TRIQK: variants seen among roughly 807,000 people sequenced by gnomAD.
TRIQK encodes triple QxxK/R motif containing, also known as triple QxxK/R motif-containing protein.
Under a neutral mutation model 10.8 loss-of-function variants are expected in TRIQK, and 10 were observed. That is an observed-to-expected ratio of 0.92 (90% CI 0.57 to 1.57). TRIQK has a LOEUF of 1.57. Among genes scored for constraint, TRIQK ranks in the 40% most tolerant of loss-of-function variants. TRIQK has a pLI of 0.00. For missense variants in TRIQK, 107 were observed against 97.7 expected, an observed-to-expected ratio of 1.09 and a Z score of -0.40; for synonymous variants, 33 against 33.7, an observed-to-expected ratio of 0.98 and a Z score of 0.07.
chr8:93,011,873 T>C (rs1419312432), intron 1 of TRIQK, among the ~76,000 whole-genome samples: 6 of 152,104 alleles, frequency 3.9e-5, no homozygotes, highest in African/African-American at 1.4e-4. Context: ...TCAAACCTAG[T>C]CTAAATCTAA....
At chr8:92,997,144 G>C (rs1257281196) in intron 1 of TRIQK, among the ~76,000 whole-genome samples, 1 of 151,996 alleles carries the variant, frequency 6.6e-6, no homozygotes. Flanking sequence ...TTTTGCTAGT[G>C]ATGTTCTAAG....
At chr8:92,918,780 C>G (rs1023477027) in intron 2 of TRIQK, among the ~76,000 whole-genome samples, 4 of 151,016 alleles carry the variant, frequency 2.6e-5, no homozygotes, top group Admixed American at 6.6e-5. Flanking sequence ...ATCTTACCCC[C>G]CCCCACAATT....
At chr8:92,917,374 A>G (rs1318507517) in intron 2 of TRIQK, among the ~76,000 whole-genome samples, 1 of 152,018 alleles carries the variant, frequency 6.6e-6, no homozygotes, top group Non-Finnish European at 1.5e-5. Context: ...CCAAGTATAT[A>G]TAGTTTGGAT....
At chr8:93,012,353 G>T (rs1813343332) in intron 1 of TRIQK, among the ~76,000 whole-genome samples, 1 of 152,122 alleles carries the variant, frequency 6.6e-6, no homozygotes, top group Admixed American at 6.5e-5. Flanking sequence ...GTAAAACAGA[G>T]TGCCCACGAT....
intron 2 of TRIQK, among the ~76,000 whole-genome samples, chr8:92,952,502 G>A (rs943719032): frequency 6.6e-6 from 1 of 151,550 alleles, no homozygotes; most frequent in African/African-American, 2.4e-5. Context: ...CGCATAATGG[G>A]AATATCAGAA....
At chr8:92,999,890 G>A (rs1813191147) in intron 1 of TRIQK, among the ~76,000 whole-genome samples, 1 of 152,006 alleles carries the variant, frequency 6.6e-6, no homozygotes, top group African/African-American at 2.4e-5. Flanking sequence ...TTTGAAGTGA[G>A]TTATACTTGA....
intron 1 of TRIQK, among the ~76,000 whole-genome samples, chr8:92,976,922 C>T (rs1292136475): frequency 6.6e-6 from 1 of 151,842 alleles, no homozygotes; most frequent in African/African-American, 2.4e-5. Context: ...TTTCTACAGT[C>T]TTTGTGCTAT....
intron 2 of TRIQK, among the ~76,000 whole-genome samples, chr8:92,932,452 AC>A (rs1810781167): frequency 6.6e-6 from 1 of 152,124 alleles, no homozygotes; most frequent in Non-Finnish European, 1.5e-5. Context: ...GACAGTGTTA[AC>A]TTGGATCACT....
At chr8:92,892,968 A>G (rs1012821327) in intron 3 of TRIQK, among the ~76,000 whole-genome samples, 1 of 151,990 alleles carries the variant, frequency 6.6e-6, no homozygotes, top group Admixed American at 6.6e-5. Flanking sequence ...TCTCAGGAGG[A>G]GTTAATACAT....
chr8:93,006,034 C>CAAAAA (rs58693078), intron 1 of TRIQK, among the ~76,000 whole-genome samples: 1 of 130,922 alleles, frequency 7.6e-6, no homozygotes, highest in African/African-American at 2.6e-5. Flanking sequence ...AAAAAATAAG[C>CAAAAA]AAAAAAAAAA....
intron 1 of TRIQK, among the ~76,000 whole-genome samples, chr8:93,006,233 GTGAAT>G (rs1813269973): frequency 6.6e-6 from 1 of 152,110 alleles, no homozygotes; most frequent in Non-Finnish European, 1.5e-5. Context: ...AAAACAGCAA[GTGAAT>G]CCTGATCCAG....
chr8:92,938,334 A>G (rs1302112839), intron 2 of TRIQK, among the ~76,000 whole-genome samples: 1 of 152,086 alleles, frequency 6.6e-6, no homozygotes, highest in Non-Finnish European at 1.5e-5. Flanking sequence ...TGTAATGATT[A>G]TTACAATCAA....
chr8:92,942,792 T>C (rs1179413931), intron 2 of TRIQK, among the ~76,000 whole-genome samples: 1 of 152,140 alleles, frequency 6.6e-6, no homozygotes, highest in Non-Finnish European at 1.5e-5. Flanking sequence ...CCTCAGGGGT[T>C]TGAGCAGTTC....
chr8:92,932,778 A>T (rs1287821330), intron 2 of TRIQK, among the ~76,000 whole-genome samples: 1 of 152,132 alleles, frequency 6.6e-6, no homozygotes, highest in East Asian at 1.9e-4. Context: ...ATGTACTCAT[A>T]GATATTTTTA....
intron 3 of TRIQK, among the ~76,000 whole-genome samples, chr8:92,909,301 G>C (rs1052908508): frequency 2.0e-5 from 3 of 151,828 alleles, no homozygotes; most frequent in African/African-American, 7.2e-5. Flanking sequence ...TAATCCAGGA[G>C]ATTACCATCA....
At chr8:92,896,251 G>A (rs1563614009) in intron 3 of TRIQK, among the ~76,000 whole-genome samples, 1 of 152,140 alleles carries the variant, frequency 6.6e-6, no homozygotes, top group East Asian at 1.9e-4. Context: ...TTGTGCTGCA[G>A]CTCCGGGGAC....
chr8:92,992,789 A>G (rs941812709), intron 1 of TRIQK, among the ~76,000 whole-genome samples: 7 of 151,912 alleles, frequency 4.6e-5, no homozygotes, highest in African/African-American at 1.2e-4. Context: ...ACTGAGTAAA[A>G]CCTCCGGCAC....
intron 2 of TRIQK, among the ~76,000 whole-genome samples, chr8:92,943,157 C>T (rs1811355414): frequency 6.6e-6 from 1 of 150,394 alleles, no homozygotes; most frequent in African/African-American, 2.4e-5. Flanking sequence ...TTTTTAAAAA[C>T]TGATTAAAAA....
intron 2 of TRIQK, among the ~76,000 whole-genome samples, chr8:92,934,142 G>A (rs988826428): frequency 5.3e-5 from 8 of 151,890 alleles, no homozygotes; most frequent in South Asian, 4.1e-4. Context: ...TCCAAAAGAC[G>A]TTCAATGATT....
Sources: allele counts gnomAD v4.1 joint callset (sites outside exome capture counted in the v4.1 genomes callset), GRCh38; gene constraint gnomAD v4.1.1; transcripts MANE v1.5; gene names NCBI Gene and HGNC (gene_info 2026-07-23, HGNC 2026-07-21).